The following VAV3 variants were observed in gnomAD, a reference collection of about 807,000 sequenced individuals.
VAV3 encodes vav guanine nucleotide exchange factor 3.
A neutral mutation model predicts 131.2 loss-of-function variants in VAV3; 94 were observed. That is an observed-to-expected ratio of 0.72 (90% CI 0.61 to 0.85). The LOEUF is 0.85. Ranked by LOEUF, VAV3 falls within the 40% of genes least tolerant of loss-of-function variation. The pLI is 0.00. For synonymous variants in VAV3, 349 were observed against 342.0 expected (o/e 1.02, Z -0.22); for missense variants, 939 against 1,002.7 (o/e 0.94, Z 0.86).
chr1:107,602,144 G>C (rs918778926), intron 24 of VAV3, among the ~76,000 whole-genome samples: 2 of 152,066 alleles, frequency 1.3e-5, no homozygotes, highest in Non-Finnish European at 2.9e-5. Flanking sequence ...AAAATCTGCT[G>C]TATCATTTAA....
At chr1:107,720,381 T>A (rs59806152) in intron 15 of VAV3, among the ~76,000 whole-genome samples, 127 of 64,588 alleles carry the variant, frequency 2.0e-3, no homozygotes, top group South Asian at 0.013. Context: ...AGACACTGTC[T>A]CAAAAATAAA....
intron 2 of VAV3, among the ~76,000 whole-genome samples, chr1:107,796,608 T>A (rs1188844434): frequency 6.6e-6 from 1 of 152,050 alleles, no homozygotes; most frequent in Non-Finnish European, 1.5e-5. Flanking sequence ...CTGGCTCCTT[T>A]AAAAATATAT....
At chr1:107,592,723 A>G (rs1352466993) in intron 25 of VAV3, among the ~76,000 whole-genome samples, 1 of 152,156 alleles carries the variant, frequency 6.6e-6, no homozygotes, top group African/African-American at 2.4e-5. Flanking sequence ...CATTCATCAG[A>G]TGAGAAAGCT....
chr1:107,806,560 G>A (rs984929961), intron 2 of VAV3, among the ~76,000 whole-genome samples: 3 of 152,036 alleles, frequency 2.0e-5, no homozygotes, highest in East Asian at 1.9e-4. Context: ...AAGAACATAC[G>A]TTGGAATATT....
In VAV3 at chr1:107,749,522, T is replaced by C; in HGVS notation, c.1332A>G (p.Ile444Met). Reference sequence around the variant, plus strand: ...CTATCTTGTACTGCTGAAGATCTATTATTTCCTTCATTTCATAGTTATCAC... The same window carrying C: ...CTATCTTGTACTGCTGAAGATCTATCATTTCCTTCATTTCATAGTTATCAC... The part of the protein sequence containing the change: ...RKGDNYEMKE[I>M]IDLQQYKIAN... Residue 444 changes from isoleucine to methionine, a missense_variant, in exon 14 of 27, where the codon ATA becomes ATG. Ile to Met is a conservative substitution (Grantham distance 10, BLOSUM62 1). Coordinates refer to ENST00000370056, the MANE Select transcript of VAV3 (RefSeq NM_006113.5). 1 of 1,612,392 alleles carries C rather than the reference T, an allele frequency of 6.2e-7. No individual in the cohort carries two copies. Among genetic ancestry groups the C allele is most frequent in the Non-Finnish European group, 8.5e-7 (1 of 1,179,462 alleles).
Position 107,824,439 on chromosome 1 carries a change from T to A in VAV3, c.322-44947A>T, listed in dbSNP as rs188653926. 2.0e-5 allele frequency among the ~76,000 whole-genome samples: 3 copies of A among 152,300 alleles called. No individual in the cohort carries two copies. The East Asian group carries it at 5.8e-4, about 29-fold the overall frequency. ...GGCCCCATACGGAGGTTCAAATGGA[T>A]AATGACATGTACATTTTCAGAACCA... On this transcript the variant is annotated intron_variant, in intron 2 of 26. Transcript: ENST00000370056.
At chr1:107,933,209 G>T (rs1673532003) in intron 1 of VAV3, among the ~76,000 whole-genome samples, 1 of 150,770 alleles carries the variant, frequency 6.6e-6, no homozygotes, top group Non-Finnish European at 1.5e-5. Context: ...TTATTGTCTT[G>T]TTTTGCTTAC....
intron 1 of VAV3, among the ~76,000 whole-genome samples, chr1:107,932,120 G>A (rs1198677992): frequency 6.6e-6 from 1 of 152,192 alleles, no homozygotes; most frequent in Non-Finnish European, 1.5e-5. Flanking sequence ...TCAGTGGCAT[G>A]TCAATTGGTT....
At chr1:107,604,513 C>G (rs537867582) in intron 22 of VAV3, among the ~76,000 whole-genome samples, 37 of 152,278 alleles carry the variant, frequency 2.4e-4, no homozygotes, top group African/African-American at 8.9e-4. Context: ...AGCCTTCTTT[C>G]AGATCCAGGA....
intron 1 of VAV3, among the ~76,000 whole-genome samples, chr1:107,884,556 C>T (rs1183252782): frequency 6.6e-6 from 1 of 151,484 alleles, no homozygotes; most frequent in Admixed American, 6.6e-5. Context: ...AGTGATCCTC[C>T]CACCTCAGCC....
chr1:107,636,948 G>T (rs142871436), intron 20 of VAV3, among the ~76,000 whole-genome samples: 120 of 152,106 alleles, frequency 7.9e-4, no homozygotes, highest in African/African-American at 2.8e-3. Context: ...CAAAAGAAGA[G>T]CAAATTAAGC....
At chr1:107,679,042 A>T (rs1270944278) in intron 19 of VAV3, among the ~76,000 whole-genome samples, 1 of 152,180 alleles carries the variant, frequency 6.6e-6, no homozygotes, top group African/African-American at 2.4e-5. Context: ...ATGTTTTATA[A>T]TTAATGACAA....
At chr1:107,911,839 T>C (rs1672385193) in intron 1 of VAV3, among the ~76,000 whole-genome samples, 1 of 152,192 alleles carries the variant, frequency 6.6e-6, no homozygotes, top group African/African-American at 2.4e-5. Flanking sequence ...GCACAGACAA[T>C]TGGACAGGTC....
At chr1:107,755,549 C>T in intron 11 of VAV3, 36 bp from the exon 12 acceptor site, 6 of 1,494,298 alleles carry the variant, frequency 4.0e-6, no homozygotes, top group Non-Finnish European at 5.6e-6. Flanking sequence ...AAAGAAGGCA[C>T]ACTAAGATTA....
intron 20 of VAV3, among the ~76,000 whole-genome samples, chr1:107,631,879 G>T (rs2101395548): frequency 6.6e-6 from 1 of 151,998 alleles, no homozygotes; most frequent in South Asian, 2.1e-4. Flanking sequence ...GTCTATCATT[G>T]TTGGACATTT....
chr1:107,595,266 ATTGT>A (rs1374109954), intron 25 of VAV3, among the ~76,000 whole-genome samples: 4 of 152,168 alleles, frequency 2.6e-5, no homozygotes, highest in African/African-American at 7.2e-5. Flanking sequence ...GATGTGACAG[ATTGT>A]TTGTTTACTT....
At position 107,936,757 on chromosome 1, in the gene VAV3, C is replaced by G. The variant is rs146814569; in HGVS notation, c.204+27909G>C. On this transcript the variant is annotated intron_variant, in intron 1 of 26. Transcript: ENST00000370056. ...GACATTGCCAAAGAAGTTGTCAGGA[C>G]CATAAGGATGTCCTGAGAGTAGAAT... is the stretch of plus-strand genomic sequence containing the variant. Among the ~76,000 whole-genome samples, 1,420 of 152,210 alleles carry G rather than the reference C, an allele frequency of 9.3e-3. 11 individuals are homozygous for G. Among genetic ancestry groups the G allele is most frequent in the South Asian group, 0.037 (179 of 4,830 alleles).
chr1:107,924,155 C>T (rs1673042971), intron 1 of VAV3, among the ~76,000 whole-genome samples: 1 of 152,134 alleles, frequency 6.6e-6, no homozygotes. Context: ...TTTCTTCTCT[C>T]CCGTTCCCTA....
intron 25 of VAV3, among the ~76,000 whole-genome samples, chr1:107,587,633 C>A (rs1207254305): frequency 1.3e-5 from 2 of 152,132 alleles, no homozygotes; most frequent in African/African-American, 4.8e-5. Context: ...CTCTGTTGCC[C>A]ATGCTGGAGT....
Sources: gnomAD v4.1 joint callset for allele counts (sites outside exome capture counted in the v4.1 genomes callset) on GRCh38, gnomAD v4.1.1 for gene constraint, MANE v1.5 for transcripts, NCBI Gene and HGNC (gene_info 2026-07-23, HGNC 2026-07-21) for gene names.